The following RECQL variants were observed in gnomAD, a reference collection of about 807,000 sequenced individuals.
RECQL encodes RecQ like helicase.
In RECQL, 73 loss-of-function variants were observed where a neutral mutation model predicts 75.8. The ratio of observed to expected loss-of-function variants is 0.96; its 90% confidence interval spans 0.80 to 1.17. RECQL has a LOEUF of 1.17. RECQL is among the 50% of genes most tolerant of loss of function. The pLI, the probability that RECQL is intolerant of heterozygous loss-of-function variation, is 0.00. For missense variants in RECQL, 699 were observed against 772.1 expected (o/e 0.91, Z 1.12); for synonymous variants, 248 against 254.4 (o/e 0.97, Z 0.24).
intron 6 of RECQL, among the ~76,000 whole-genome samples, chr12:21,480,285 T>G (rs946763491): frequency 6.6e-6 from 1 of 152,164 alleles, no homozygotes; most frequent in Non-Finnish European, 1.5e-5. Context: ...GATGTGTATT[T>G]AGAAAATATC....
At position 21,483,489 on chromosome 12, in the gene RECQL, T is replaced by C. The variant is rs113872147; in HGVS notation, c.587A>G (p.Lys196Arg). 1.3e-6 allele frequency: 2 copies of C among 1,587,564 alleles called. No individual in the cohort carries two copies. The highest frequency in any genetic ancestry group is 1.7e-6 in the Non-Finnish European group (2 of 1,173,048). ...LIYVTPEKIAKSKMFMSRLEK... is the reference protein window; with the variant it reads ...LIYVTPEKIARSKMFMSRLEK... ...TAGTCTTGACATAAACATTTTGCTT[T>C]TTGCAATTTTCTCTGGAGTCACATA... Residue 196 changes from lysine (K) to arginine (R), a missense_variant, in exon 6 of 15, where the codon AAA becomes AGA. By Grantham distance (26) the Lys-to-Arg change is conservative. Coordinates refer to ENST00000444129, the MANE Select transcript of RECQL (RefSeq NM_002907.4).
In RECQL at chr12:21,483,531, G is replaced by C; in HGVS notation, c.545C>G (p.Ser182Cys). 1 of 1,577,140 alleles carries C rather than the reference G, an allele frequency of 6.3e-7. No individual in the cohort carries two copies. The highest frequency in any genetic ancestry group is 8.5e-7 in the Non-Finnish European group (1 of 1,169,594). ...AGTCACATAAATCAGCTTTAACTCG[G>C]AGTTTTTATTTACCATTTCAGCATG... ...WVHAEMVNKN[S>C]ELKLIYVTPE... Residue 182 changes from serine to cysteine, a missense_variant, in exon 6 of 15, where the codon TCC becomes TGC. By Grantham distance (112) the Ser-to-Cys change is moderately radical. Coordinates refer to ENST00000444129, the MANE Select transcript of RECQL (RefSeq NM_002907.4).
chr12:21,500,152 C>T (rs1158924685), intron 1 of RECQL, among the ~76,000 whole-genome samples: 1 of 152,150 alleles, frequency 6.6e-6, no homozygotes, highest in Non-Finnish European at 1.5e-5. Flanking sequence ...AATCATCTAA[C>T]ATTTTATTGA....
intron 2 of RECQL, 149 bp from the exon 3 acceptor site, chr12:21,491,865 T>G (rs1943421638): frequency 1.4e-6 from 1 of 711,872 alleles, no homozygotes; most frequent in African/African-American, 1.8e-5. Context: ...TTTTGAGTCA[T>G]ATAGACCTAA....
intron 11 of RECQL, among the ~76,000 whole-genome samples, chr12:21,474,123 CT>C (rs1397052150): frequency 7.7e-5 from 11 of 142,436 alleles, no homozygotes; most frequent in African/African-American, 3.4e-4. Context: ...GGAGAATATT[CT>C]TGACAGTAAA....
In RECQL at chr12:21,472,070, C is replaced by T. The variant is rs112586032; in HGVS notation, c.1448-423G>A. 2.1e-3 allele frequency among the ~76,000 whole-genome samples: 318 copies of T among 152,130 alleles called. 2 individuals carry two copies. The highest frequency in any genetic ancestry group is 2.0e-3 in the Non-Finnish European group (135 of 67,970). On this transcript the variant is annotated intron_variant, in intron 12 of 14. Coordinates refer to ENST00000444129, the MANE Select transcript of RECQL (RefSeq NM_002907.4). ...ACCCAATTATTAAGAGACCAGTACT[C>T]TGATTTATATATAACACTCTTGTTA...
At chr12:21,485,907 G>A (rs565526701) in intron 5 of RECQL, among the ~76,000 whole-genome samples, 1 of 151,948 alleles carries the variant, frequency 6.6e-6, no homozygotes, top group African/African-American at 2.4e-5. Context: ...TTCTACAGAT[G>A]AGGGTAAGAC....
rs549280562 is a variant in RECQL, at chr12:21,469,453, T to G, written c.*741A>C. 8 of 151,702 alleles carry G rather than the reference T, an allele frequency of 5.3e-5. No individual in the cohort carries two copies. The highest frequency in any genetic ancestry group is 1.9e-4 in the African/African-American group (8 of 41,372). 9.4% of individuals were successfully genotyped at this position (151,702 alleles called of 1,614,324 possible). A position where few individuals can be genotyped will look rare whatever the true frequency, so the allele number is the denominator to read the frequency against. ...CGGCCCAAGACAATTCTTCTTCCAA[T>G]GTGGCTCAGGGAAGCCAAAAGATTG... is the stretch of plus-strand genomic sequence containing the variant. On this transcript the variant is annotated 3_prime_UTR_variant, in exon 15 of 15. Transcript: ENST00000444129.
At chr12:21,483,322 G>C (rs901634459) in intron 6 of RECQL, 54 bp downstream of exon 6, 5 of 1,156,714 alleles carry the variant, frequency 4.3e-6, no homozygotes, top group Non-Finnish European at 6.3e-6. Flanking sequence ...ATGCCAAGCT[G>C]AGTAAGGACA....
chr12:21,485,818 C>A (rs1305189748), intron 5 of RECQL, among the ~76,000 whole-genome samples: 2 of 151,990 alleles, frequency 1.3e-5, no homozygotes, highest in Non-Finnish European at 2.9e-5. Context: ...GGCTACATGG[C>A]AGTTTTTATG....
chr12:21,491,428 C>T (rs574139350), intron 3 of RECQL, 91 bp downstream of exon 3: 1 of 1,281,694 alleles, frequency 7.8e-7, no homozygotes, highest in African/African-American at 1.5e-5. Flanking sequence ...TCTAAGCCTA[C>T]TGGAAAGCAC....
chr12:21,494,629 G>T (rs540265725), intron 2 of RECQL, among the ~76,000 whole-genome samples: 6 of 152,268 alleles, frequency 3.9e-5, no homozygotes, highest in Admixed American at 3.9e-4. Flanking sequence ...CTAAAGGAAG[G>T]TATTCAGAGG....
chr12:21,480,523 T>A (rs2137362100), intron 6 of RECQL, among the ~76,000 whole-genome samples: 1 of 152,196 alleles, frequency 6.6e-6, no homozygotes, highest in Admixed American at 6.5e-5. Context: ...CATCCATTTT[T>A]TTTTTGTCAT....
chr12:21,495,487 T>C (rs991510057), intron 2 of RECQL, among the ~76,000 whole-genome samples: 3 of 151,886 alleles, frequency 2.0e-5, no homozygotes, highest in African/African-American at 7.3e-5. Context: ...TCCTAGCTAC[T>C]TGGGAGGCTG....
Position 21,470,016 on chromosome 12 carries a change from G to A in RECQL, c.*178C>T, listed in dbSNP as rs182166310. ...TATACTGGAAAATTATATAATTCAT[G>A]ATCTCTAATTTTCAAACATTCTCAA... On this transcript the variant is annotated 3_prime_UTR_variant, in exon 15 of 15. Transcript: ENST00000444129. The A allele has an allele frequency of 1.5e-5, 11 of 751,162 alleles. No individual in the cohort carries two copies. In the East Asian group the frequency reaches 2.3e-4, roughly 16 times the overall value. 46.5% of individuals were successfully genotyped at this position (751,162 alleles called of 1,614,324 possible). A position where few individuals can be genotyped will look rare whatever the true frequency, so the allele number is the denominator to read the frequency against.
At chr12:21,499,246 G>A (rs1943560893) in intron 2 of RECQL, among the ~76,000 whole-genome samples, 1 of 152,204 alleles carries the variant, frequency 6.6e-6, no homozygotes, top group Admixed American at 6.5e-5. Flanking sequence ...GTGGCTATCA[G>A]GGATTAGGAG....
At chr12:21,496,091 G>A (rs1401907155) in intron 2 of RECQL, among the ~76,000 whole-genome samples, 2 of 152,188 alleles carry the variant, frequency 1.3e-5, no homozygotes, top group Non-Finnish European at 1.5e-5. Flanking sequence ...CTGCATTCCT[G>A]GAGGGATTGC....
At chr12:21,470,487 C>T in intron 14 of RECQL, 141 bp from the exon 15 acceptor site, 1 of 1,027,294 alleles carries the variant, frequency 9.7e-7, no homozygotes, top group East Asian at 2.8e-5. Flanking sequence ...TTTTTATCTA[C>T]AAATTTCTAT....
intron 2 of RECQL, among the ~76,000 whole-genome samples, chr12:21,493,673 C>T (rs961003975): frequency 5.3e-5 from 8 of 152,162 alleles, no homozygotes; most frequent in African/African-American, 1.9e-4. Flanking sequence ...AAGCAGGTTA[C>T]CTTAAACCAC....
Sources: allele counts gnomAD v4.1 joint callset (sites outside exome capture counted in the v4.1 genomes callset), GRCh38; gene constraint gnomAD v4.1.1; transcripts MANE v1.5; gene names NCBI Gene and HGNC (gene_info 2026-07-23, HGNC 2026-07-21).